The following CSTF3 variants were observed in gnomAD, a reference collection of about 807,000 sequenced individuals.
CSTF3 encodes the protein cleavage stimulation factor subunit 3.
Under a neutral mutation model 105.8 loss-of-function variants are expected in CSTF3, and 29 were observed. That is an observed-to-expected ratio of 0.27 (90% CI 0.20 to 0.37). The LOEUF is 0.37. CSTF3 is among the 10% of genes least tolerant of loss of function. The pLI, the probability that CSTF3 is intolerant of heterozygous loss-of-function variation, is 1.00. For synonymous variants in CSTF3, 252 were observed against 281.9 expected, an observed-to-expected ratio of 0.89 and a Z score of 1.06; for missense variants, 357 against 879.3, an observed-to-expected ratio of 0.41 and a Z score of 7.51.
chr11:33,087,937 T>C (rs929699436), intron 17 of CSTF3, among the ~76,000 whole-genome samples: 5 of 152,192 alleles, frequency 3.3e-5, no homozygotes, highest in Admixed American at 3.3e-4. Flanking sequence ...ACAGAGGCCC[T>C]ATCTCAGAGG....
intron 3 of CSTF3, among the ~76,000 whole-genome samples, chr11:33,117,562 C>A (rs1855442205): frequency 6.6e-6 from 1 of 151,798 alleles, no homozygotes; most frequent in Non-Finnish European, 1.5e-5. Context: ...GTACTATTCC[C>A]TACTTAAAGA....
At chr11:33,161,097 C>T (rs1248572264) in intron 1 of CSTF3, among the ~76,000 whole-genome samples, 1 of 152,036 alleles carries the variant, frequency 6.6e-6, no homozygotes, top group Admixed American at 6.6e-5. Flanking sequence ...AGTATTTACT[C>T]GTATTCATGC....
intron 3 of CSTF3, among the ~76,000 whole-genome samples, chr11:33,136,617 A>C (rs1855656173): frequency 6.6e-6 from 1 of 151,946 alleles, no homozygotes; most frequent in African/African-American, 2.4e-5. Flanking sequence ...GTCAATTGCC[A>C]CCTGATTCCC....
At chr11:33,102,140 C>T (rs758073540) in intron 10 of CSTF3, 37 bp downstream of exon 10, 12 of 1,591,056 alleles carry the variant, frequency 7.5e-6, no homozygotes, top group Middle Eastern at 2.1e-4. Context: ...GCCTAACATA[C>T]ATGTAACTGA....
At position 33,099,897 on chromosome 11, in the gene CSTF3, T is replaced by C. The variant is rs1051560311; in HGVS notation, c.827-180A>G. Among the ~76,000 whole-genome samples the C allele has an allele frequency of 3.9e-5, 6 of 152,178 alleles. No individual in the cohort carries two copies. In the East Asian group the frequency reaches 9.6e-4, roughly 24 times the overall value. ...GTTCCCTCCATCTATCCATCACTTATTAATTTTTTTTATTTTTGGAAGCAG... is the reference window on the plus strand; with the variant it reads ...GTTCCCTCCATCTATCCATCACTTACTAATTTTTTTTATTTTTGGAAGCAG... On this transcript the variant is annotated intron_variant, in intron 10 of 20. Transcript: ENST00000323959. This position sits in a 1 kb window ranked among gnomAD's most constrained non-coding sequence, Gnocchi z 4.1.
intron 1 of CSTF3, among the ~76,000 whole-genome samples, chr11:33,156,432 G>C (rs1256376684): frequency 6.6e-6 from 1 of 152,034 alleles, no homozygotes; most frequent in Non-Finnish European, 1.5e-5. Context: ...CAATGCTGTG[G>C]GTGTTTCAAC....
intron 1 of CSTF3, among the ~76,000 whole-genome samples, chr11:33,151,824 G>A (rs1176558132): frequency 6.6e-6 from 1 of 152,068 alleles, no homozygotes; most frequent in Non-Finnish European, 1.5e-5. Flanking sequence ...CCAGTATAAG[G>A]GGTTCTAATT....
At chr11:33,095,823 T>C (rs36072361) in intron 15 of CSTF3, among the ~76,000 whole-genome samples, 1 of 140,400 alleles carries the variant, frequency 7.1e-6, no homozygotes, top group African/African-American at 2.8e-5. Flanking sequence ...CTGTCTCAAA[T>C]AAATAAATAA....
At chr11:33,105,505 C>T (rs1855318052) in intron 8 of CSTF3, 62 bp downstream of exon 8, 3 of 1,445,388 alleles carry the variant, frequency 2.1e-6, no homozygotes, top group Non-Finnish European at 2.8e-6. Context: ...TCTACAAATC[C>T]ACAATGCATA....
At chr11:33,125,814 G>A (rs1425138553) in intron 3 of CSTF3, among the ~76,000 whole-genome samples, 1 of 152,148 alleles carries the variant, frequency 6.6e-6, no homozygotes, top group African/African-American at 2.4e-5. Context: ...TGCTTTCAGG[G>A]CCAAAACAGT....
chr11:33,098,104 A>G (rs955824307), intron 13 of CSTF3, among the ~76,000 whole-genome samples: 3 of 152,194 alleles, frequency 2.0e-5, no homozygotes, highest in Non-Finnish European at 4.4e-5. Context: ...AAGAAAAAGT[A>G]GTGTAGCTAT....
At chr11:33,130,066 T>C (rs1248439889) in intron 3 of CSTF3, among the ~76,000 whole-genome samples, 1 of 152,212 alleles carries the variant, frequency 6.6e-6, no homozygotes, top group East Asian at 1.9e-4. Context: ...GATTTTCCCA[T>C]TAACTAGAAA....
intron 3 of CSTF3, among the ~76,000 whole-genome samples, chr11:33,113,922 G>C (rs1166451818): frequency 6.6e-6 from 1 of 151,992 alleles, no homozygotes; most frequent in African/African-American, 2.4e-5. Flanking sequence ...GTTATCTTAG[G>C]GAGAGTAAAA....
chr11:33,107,849 A>T (rs1855342224), intron 5 of CSTF3, 54 bp downstream of exon 5: 4 of 1,044,036 alleles, frequency 3.8e-6, no homozygotes, highest in Non-Finnish European at 5.9e-6. Context: ...TTTATGTGGG[A>T]TTAACTGTGT....
intron 3 of CSTF3, among the ~76,000 whole-genome samples, chr11:33,121,320 T>C (rs759823187): frequency 6.6e-6 from 1 of 152,118 alleles, no homozygotes; most frequent in Non-Finnish European, 1.5e-5. Context: ...ATGGCTTCAG[T>C]CTACGTACTT....
At chr11:33,103,785 A>T (rs1051489475) in intron 8 of CSTF3, among the ~76,000 whole-genome samples, 6 of 151,976 alleles carry the variant, frequency 3.9e-5, no homozygotes, top group Non-Finnish European at 7.4e-5. Context: ...AAAAAAAAAT[A>T]TGTACAGATT....
intron 3 of CSTF3, among the ~76,000 whole-genome samples, chr11:33,138,674 T>G (rs1855679337): frequency 1.3e-5 from 2 of 151,880 alleles, no homozygotes; most frequent in African/African-American, 4.8e-5. Context: ...AACTTTATAC[T>G]TGATAACTAT....
intron 1 of CSTF3, among the ~76,000 whole-genome samples, chr11:33,152,745 G>T (rs1849804321): frequency 6.6e-6 from 1 of 152,100 alleles, no homozygotes; most frequent in Non-Finnish European, 1.5e-5. Flanking sequence ...CGGATCACAA[G>T]GTCAGGAGTT....
intron 3 of CSTF3, among the ~76,000 whole-genome samples, chr11:33,139,247 T>C (rs893814192): frequency 2.0e-5 from 3 of 151,914 alleles, no homozygotes; most frequent in African/African-American, 7.2e-5. Context: ...ATGTATTTTC[T>C]ATTAAAAAAA....
Sources: allele counts gnomAD v4.1 joint callset (sites outside exome capture counted in the v4.1 genomes callset), GRCh38; gene constraint gnomAD v4.1.1; non-coding constraint Gnocchi (gnomAD v3.1); transcripts MANE v1.5; gene names NCBI Gene and HGNC (gene_info 2026-07-23, HGNC 2026-07-21).